The following GSK3B variants were observed in gnomAD, a reference collection of about 807,000 sequenced individuals.
GSK3B encodes glycogen synthase kinase 3 beta.
GSK3B carries 15 observed loss-of-function variants against 56.4 expected under a neutral mutation model. The ratio of observed to expected loss-of-function variants is 0.27; its 90% CI spans 0.18 to 0.41. The LOEUF is 0.41. Among genes scored for constraint, GSK3B ranks in the 10% least tolerant of loss-of-function variants. The pLI is 1.00. For missense variants in GSK3B, 300 were observed against 513.4 expected (o/e 0.58, Z 4.02); for synonymous variants, 181 against 188.9 (o/e 0.96, Z 0.34).
At position 119,822,556 on chromosome 3, in the gene GSK3B, C is replaced by T. The variant is rs982362569; in HGVS notation, c.*4232G>A. The T allele has an allele frequency of 4.8e-5, 11 of 228,386 alleles. No homozygotes were observed. The highest frequency in any genetic ancestry group is 2.4e-4 in the African/African-American group (11 of 45,068). 14.1% of individuals were successfully genotyped at this position (228,386 alleles called of 1,614,324 possible). A position where few individuals can be genotyped will look rare whatever the true frequency, so the allele number is the denominator to read the frequency against. ...AACGGAGCAACAAACTTGAATAAAACGGCATAACCCTTGTGAAAATAATCC... is the reference window on the plus strand; with the variant it reads ...AACGGAGCAACAAACTTGAATAAAATGGCATAACCCTTGTGAAAATAATCC... On this transcript the variant is annotated 3_prime_UTR_variant, in exon 11 of 11. Coordinates refer to ENST00000264235, the MANE Select transcript of GSK3B (RefSeq NM_001146156.2).
intron 9 of GSK3B, among the ~76,000 whole-genome samples, chr3:119,862,524 T>TAAAAAAA (rs5852229): frequency 9.8e-5 from 11 of 111,806 alleles, no homozygotes; most frequent in South Asian, 3.0e-4. Flanking sequence ...TAGAGTATAA[T>TAAAAAAA]AAAAAAAAAA....
At chr3:120,017,576 TAC>T (rs562563766) in intron 1 of GSK3B, among the ~76,000 whole-genome samples, 102 of 152,280 alleles carry the variant, frequency 6.7e-4, no homozygotes, top group African/African-American at 2.4e-3. Context: ...CATACAAATT[TAC>T]ACACATTTTT....
At chr3:120,001,968 G>A in intron 2 of GSK3B, 78 bp downstream of exon 2, 1 of 937,670 alleles carries the variant, frequency 1.1e-6, no homozygotes, top group Non-Finnish European at 1.5e-6. Flanking sequence ...GAAGCAAAAA[G>A]AAGCAACTAA....
intron 2 of GSK3B, among the ~76,000 whole-genome samples, chr3:119,986,802 T>A (rs376094485): frequency 1.1e-4 from 16 of 152,150 alleles, no homozygotes; most frequent in Admixed American, 3.9e-4. Context: ...AGAACTAGAA[T>A]TACCATTTGA....
At chr3:120,069,244 G>A (rs2058306747) in intron 1 of GSK3B, among the ~76,000 whole-genome samples, 3 of 152,062 alleles carry the variant, frequency 2.0e-5, no homozygotes, top group Admixed American at 2.0e-4. Context: ...TATTCTTAGA[G>A]GTCCCAATGA....
chr3:119,992,216 T>C (rs1302832109), intron 2 of GSK3B, among the ~76,000 whole-genome samples: 1 of 152,054 alleles, frequency 6.6e-6, no homozygotes, highest in Non-Finnish European at 1.5e-5. Flanking sequence ...CATTAAAACA[T>C]ACTATAAAGT....
At chr3:119,845,366 G>T (rs2055840911) in intron 9 of GSK3B, among the ~76,000 whole-genome samples, 1 of 152,182 alleles carries the variant, frequency 6.6e-6, no homozygotes, top group Admixed American at 6.5e-5. Flanking sequence ...AGGAAAAGAG[G>T]AAGTCAAATT....
chr3:120,043,229 T>C (rs2058077522), intron 1 of GSK3B, among the ~76,000 whole-genome samples: 1 of 152,048 alleles, frequency 6.6e-6, no homozygotes, highest in Non-Finnish European at 1.5e-5. Flanking sequence ...GATGGACCCA[T>C]CACACCCGAG....
chr3:119,846,473 G>A (rs1462942550), intron 9 of GSK3B, among the ~76,000 whole-genome samples: 3 of 152,130 alleles, frequency 2.0e-5, no homozygotes, highest in Non-Finnish European at 4.4e-5. Context: ...CAAAAAGTGG[G>A]CGAAAGATAT....
At chr3:119,872,624 T>C (rs1436356218) in intron 8 of GSK3B, among the ~76,000 whole-genome samples, 2 of 152,082 alleles carry the variant, frequency 1.3e-5, no homozygotes, top group African/African-American at 2.4e-5. Flanking sequence ...TTCTATGATA[T>C]GATGGTGGCC....
intron 2 of GSK3B, among the ~76,000 whole-genome samples, chr3:119,953,591 T>A (rs2057180341): frequency 6.6e-6 from 1 of 152,178 alleles, no homozygotes; most frequent in Non-Finnish European, 1.5e-5. Flanking sequence ...TCTAAATCAC[T>A]TTATAATCTG....
chr3:119,962,957 G>C (rs554889237), intron 2 of GSK3B, among the ~76,000 whole-genome samples: 1 of 152,138 alleles, frequency 6.6e-6, no homozygotes, highest in African/African-American at 2.4e-5. Context: ...ATGCTCACTG[G>C]CCTGGTGCTC....
At position 120,094,039 on chromosome 3, in the gene GSK3B, G is replaced by GGGCGGT. The variant is rs1392902847; in HGVS notation, c.-611_-606dup. 5.4e-3 allele frequency: 1,223 copies of GGGCGGT among 226,082 alleles called. 11 individuals are homozygous for GGGCGGT. Among genetic ancestry groups the GGGCGGT allele is most frequent in the African/African-American group, 0.024 (1,063 of 44,560 alleles). The allele number at this position is 226,082 out of a possible 1,614,324, so 14.0% of individuals were successfully genotyped here. ...GCGGAGTCGCGAGTCAGTCAGAGGC[G>GGGCGGT]GGCGGTGGCGGTGGCGGCGGCTCCT... is the stretch of plus-strand genomic sequence containing the variant. On this transcript the variant is annotated 5_prime_UTR_variant, in exon 1 of 11. Transcript: ENST00000264235.
chr3:119,871,367 C>T (rs901874341), intron 8 of GSK3B, among the ~76,000 whole-genome samples: 2 of 152,120 alleles, frequency 1.3e-5, no homozygotes, highest in African/African-American at 4.8e-5. Flanking sequence ...TACCAAATGA[C>T]CTATGGTCAT....
rs369385648 is a variant in GSK3B, at chr3:119,917,388, A to C, written c.478-1214T>G. Among the ~76,000 whole-genome samples, 129 of 152,308 alleles carry C rather than the reference A, an allele frequency of 8.5e-4. 1 individual carries two copies. Among genetic ancestry groups the C allele is most frequent in the African/African-American group, 2.7e-3 (114 of 41,582 alleles). ...AACTGTACAGATAAGATCTTTTATA[A>C]GGTCAGCATTTTGCCAACAAAGTTA... On this transcript the variant is annotated intron_variant, in intron 4 of 10. Coordinates refer to ENST00000264235, the MANE Select transcript of GSK3B (RefSeq NM_001146156.2).
chr3:119,938,918 A>T (rs1013957242), intron 3 of GSK3B, among the ~76,000 whole-genome samples: 7 of 152,148 alleles, frequency 4.6e-5, no homozygotes, highest in Non-Finnish European at 1.0e-4. Flanking sequence ...TGGGCTAAGC[A>T]TTAAAGAAAC....
At chr3:120,081,290 C>G (rs1260310113) in intron 1 of GSK3B, among the ~76,000 whole-genome samples, 3 of 151,154 alleles carry the variant, frequency 2.0e-5, no homozygotes, top group Non-Finnish European at 4.4e-5. Flanking sequence ...CACGGTGGCT[C>G]ACACCTGTAA....
At chr3:120,028,948 G>A (rs1373680804) in intron 1 of GSK3B, 2 of 562,042 alleles carry the variant, frequency 3.6e-6, no homozygotes, top group East Asian at 3.5e-5. Flanking sequence ...CACAAGTGGT[G>A]AAGCATACAA....
chr3:119,946,077 T>C (rs1055284486), intron 3 of GSK3B, among the ~76,000 whole-genome samples: 2 of 151,130 alleles, frequency 1.3e-5, no homozygotes, highest in Non-Finnish European at 2.9e-5. Context: ...AGAGGTATCA[T>C]TTAAACTGAA....
Sources: allele counts gnomAD v4.1 joint callset (sites outside exome capture counted in the v4.1 genomes callset), GRCh38; gene constraint gnomAD v4.1.1; transcripts MANE v1.5; gene names NCBI Gene and HGNC (gene_info 2026-07-23, HGNC 2026-07-21).